The following HIRA variants were observed in gnomAD, a reference collection of about 807,000 sequenced individuals.
HIRA encodes protein HIRA.
HIRA carries 13 observed loss-of-function variants against 126.6 expected under a neutral mutation model. The observed-to-expected ratio is 0.10, with a 90% CI of 0.07 to 0.16. The LOEUF (loss-of-function observed/expected upper bound fraction) is 0.16, where lower values mean the gene tolerates loss of function less well. Among genes scored for constraint, HIRA ranks in the 10% least tolerant of loss-of-function variants. The pLI is 1.00. For synonymous variants in HIRA, 511 were observed against 520.0 expected (o/e 0.98, Z 0.24); for missense variants, 834 against 1,314.4 (o/e 0.63, Z 5.65).
At chr22:19,362,669 T>C (rs1471121253) in intron 15 of HIRA, among the ~76,000 whole-genome samples, 1 of 151,976 alleles carries the variant, frequency 6.6e-6, no homozygotes, top group Admixed American at 6.6e-5. Context: ...CAAGTGATTC[T>C]CCTGCCTCAG....
rs868424697 is a variant in HIRA, at chr22:19,373,110, T to C, written c.1775+2521A>G. Among the ~76,000 whole-genome samples, 11 of 152,248 alleles carry C rather than the reference T, an allele frequency of 7.2e-5. No homozygotes were observed. In the East Asian group the frequency reaches 7.7e-4, roughly 11 times the overall value. Reference sequence around the variant, plus strand: ...AACAGTTGCCTAATCCAAGGTCACATAGATTTCTATCTATATTTTCTTCTA... The same window carrying C: ...AACAGTTGCCTAATCCAAGGTCACACAGATTTCTATCTATATTTTCTTCTA... On this transcript the variant is annotated intron_variant, in intron 15 of 24. Transcript: ENST00000263208.
chr22:19,405,900 A>G lies in HIRA; in HGVS notation c.303-20T>C, dbSNP rs1165666971. On this transcript the variant is annotated intron_variant, in intron 4 of 24. Coordinates refer to ENST00000263208, the MANE Select transcript of HIRA (RefSeq NM_003325.4). ...ATGTACCTGTGTGAGAAAGGGGCCA[A>G]AAAGGCACTCATGGAGTGCTCTGGG... The G allele has an allele frequency of 2.1e-6, 3 of 1,442,230 alleles. No homozygotes were observed. The highest frequency in any genetic ancestry group is 2.8e-6 in the Non-Finnish European group (3 of 1,085,672). The allele number at this position is 1,442,230 out of a possible 1,614,324, so 89.3% of individuals were successfully genotyped here.
intron 24 of HIRA, among the ~76,000 whole-genome samples, chr22:19,350,084 T>C (rs1263461874): frequency 4.6e-5 from 7 of 152,124 alleles, no homozygotes; most frequent in Non-Finnish European, 1.0e-4. Context: ...GCCTGGCCTT[T>C]CTTAATTGCC....
At chr22:19,341,555 A>G (rs1462755175) in intron 24 of HIRA, among the ~76,000 whole-genome samples, 1 of 152,178 alleles carries the variant, frequency 6.6e-6, no homozygotes, top group Non-Finnish European at 1.5e-5. Context: ...CTATACTACA[A>G]GGATATAGTT....
intron 11 of HIRA, among the ~76,000 whole-genome samples, chr22:19,386,945 G>A (rs1207444059): frequency 6.6e-6 from 1 of 152,232 alleles, no homozygotes; most frequent in Non-Finnish European, 1.5e-5. Flanking sequence ...TTAAGAGGAA[G>A]CTTCCACCAG....
intron 13 of HIRA, 108 bp from the exon 14 acceptor site, chr22:19,378,174 G>T: frequency 1.3e-6 from 1 of 750,640 alleles, no homozygotes. Flanking sequence ...ATGTTTTCAT[G>T]ATAGAAAATC....
At chr22:19,384,749 G>C (rs1332173494) in intron 12 of HIRA, among the ~76,000 whole-genome samples, 1 of 151,858 alleles carries the variant, frequency 6.6e-6, no homozygotes, top group East Asian at 1.9e-4. Context: ...CTGCTTCCCG[G>C]GTTTAAGCAA....
intron 12 of HIRA, 131 bp downstream of exon 12, chr22:19,385,390 C>T: frequency 1.2e-6 from 1 of 824,024 alleles, no homozygotes; most frequent in Non-Finnish European, 1.9e-6. Context: ...GCCAACAGGC[C>T]CGAGGCTGGC....
chr22:19,406,099 C>T (rs959917064), intron 4 of HIRA, among the ~76,000 whole-genome samples: 15 of 152,068 alleles, frequency 9.9e-5, no homozygotes, highest in Non-Finnish European at 1.6e-4. Context: ...CATGGGAAAA[C>T]GTTCACAATA....
chr22:19,408,760 A>G (rs2089327260), intron 2 of HIRA, among the ~76,000 whole-genome samples, 167 bp from the exon 3 acceptor site: 1 of 152,242 alleles, frequency 6.6e-6, no homozygotes, highest in South Asian at 2.1e-4. Context: ...TACAGAAAAG[A>G]TGATAAGTAC....
intron 13 of HIRA, among the ~76,000 whole-genome samples, chr22:19,382,767 CTTTCTTTTTTTTTT>C (rs2089086575): frequency 7.4e-6 from 1 of 134,276 alleles, no homozygotes; most frequent in East Asian, 2.1e-4. Flanking sequence ...TATCATTTTT[CTTTCTTTTTTTTTT>C]TTTTTTTGAA....
rs1556012389 is a variant in HIRA at position 19,355,881 on chromosome 22, G to C, written c.2456-16C>G. 3.2e-6 allele frequency: 5 copies of C among 1,561,064 alleles called. No individual in the cohort carries two copies. The highest frequency in any genetic ancestry group is 1.4e-5 in the African/African-American group (1 of 74,034). On this transcript the variant is annotated splice_polypyrimidine_tract_variant and intron_variant, in intron 20 of 24. Coordinates refer to ENST00000263208, the MANE Select transcript of HIRA (RefSeq NM_003325.4). ...ATATCACTTCCTGAGGACAGCATGG[G>C]AATGAGTTCTGGGTGTGCTCTGATC...
chr22:19,352,193 C>A (rs1447877228), intron 23 of HIRA, among the ~76,000 whole-genome samples: 2 of 151,684 alleles, frequency 1.3e-5, no homozygotes, highest in African/African-American at 4.8e-5. Context: ...CTAGAACAGG[C>A]AGGTGGAAGA....
rs1183604644 is a variant in HIRA, at chr22:19,378,007, A to G, written c.1475T>C (p.Met492Thr). The change falls in exon 14 of 25, where the codon ATG becomes ACG. Residue 492 changes from methionine (M) to threonine (T), a missense_variant. By Grantham distance (81) the Met-to-Thr change is moderately conservative. Transcript: ENST00000263208. Reference protein sequence around the residue: ...IPLSGSLAGTMLSSHSSPQLL... With the variant: ...IPLSGSLAGTTLSSHSSPQLL... ...CTGTGGACTGCTATGAGAAGAGAGC[A>G]TGGTGCCCGCCAGGGAGCCCGAGAG... 1 of 1,610,500 alleles carries G rather than the reference A, an allele frequency of 6.2e-7. No individual in the cohort carries two copies. Among genetic ancestry groups the G allele is most frequent in the African/African-American group, 1.3e-5 (1 of 74,776 alleles).
At chr22:19,389,030 C>T (rs1461574711) in intron 9 of HIRA, among the ~76,000 whole-genome samples, 1 of 152,200 alleles carries the variant, frequency 6.6e-6, no homozygotes, top group African/African-American at 2.4e-5. Flanking sequence ...GCTCATTCTA[C>T]ACTATGTGTA....
At chr22:19,381,642 A>G (rs2089074384) in intron 13 of HIRA, among the ~76,000 whole-genome samples, 2 of 152,182 alleles carry the variant, frequency 1.3e-5, no homozygotes, top group African/African-American at 4.8e-5. Flanking sequence ...GTCATGGTAT[A>G]TTAGCCTTTT....
At chr22:19,412,073 G>A (rs553517274) in intron 1 of HIRA, among the ~76,000 whole-genome samples, 16 of 152,296 alleles carry the variant, frequency 1.1e-4, no homozygotes, top group Non-Finnish European at 1.6e-4. Flanking sequence ...CCTGGGACCC[G>A]TTTTAACCAA....
intron 9 of HIRA, among the ~76,000 whole-genome samples, chr22:19,391,015 C>T (rs1022615018): frequency 2.0e-5 from 3 of 151,486 alleles, no homozygotes; most frequent in African/African-American, 7.3e-5. Context: ...TAAATGAAAA[C>T]GTACATCCAC....
At chr22:19,428,212 CA>C in intron 1 of HIRA, among the ~76,000 whole-genome samples, 1 of 152,278 alleles carries the variant, frequency 6.6e-6, no homozygotes, top group East Asian at 1.9e-4. Context: ...GTGACAACTT[CA>C]AGATTAACTT....
Sources: gnomAD v4.1 joint callset for allele counts (sites outside exome capture counted in the v4.1 genomes callset) on GRCh38, gnomAD v4.1.1 for gene constraint, MANE v1.5 for transcripts, NCBI Gene and HGNC (gene_info 2026-07-23, HGNC 2026-07-21) for gene names.